Variants in CRIM1 observed in about 807,000 individuals in gnomAD.
CRIM1 encodes cysteine-rich motor neuron 1 protein.
CRIM1 carries 32 observed loss-of-function variants against 116.4 expected under a neutral mutation model. The observed-to-expected ratio is 0.27, with a 90% confidence interval of 0.21 to 0.37. CRIM1 has a LOEUF of 0.37. Among genes scored for constraint, CRIM1 ranks in the 10% least tolerant of loss-of-function variants. The pLI is 1.00. For missense variants in CRIM1, 1,331 were observed against 1,354.8 expected (o/e 0.98, Z 0.28); for synonymous variants, 590 against 509.2 (o/e 1.16, Z -2.13).
chr2:36,515,462 G>C (rs1226844268), intron 11 of CRIM1, among the ~76,000 whole-genome samples: 1 of 152,220 alleles, frequency 6.6e-6, no homozygotes, highest in Non-Finnish European at 1.5e-5. Flanking sequence ...TTAGCATGTT[G>C]CCACATAAGC....
chr2:36,536,377 T>C (rs1033890464), intron 13 of CRIM1, among the ~76,000 whole-genome samples: 1 of 152,210 alleles, frequency 6.6e-6, no homozygotes, highest in South Asian at 2.1e-4. Flanking sequence ...TAGTTTTTCA[T>C]GTTTAAGTGA....
rs1215479172 is a variant in CRIM1 at position 36,547,167 on chromosome 2, C to T, written c.2930C>T (p.Thr977Ile). The T allele has an allele frequency of 1.2e-6, 2 of 1,610,114 alleles. No individual in the cohort carries two copies. The highest frequency in any genetic ancestry group is 8.5e-7 in the Non-Finnish European group (1 of 1,177,612). ...IPLLCWYRTP[T>I]KPSSLNNQLV... Reference sequence around the variant, plus strand: ...CTGCTTTGCTGGTATCGAACACCAACTAAGGTACTGTCTTGCAAAAGTTAG... The same window carrying T: ...CTGCTTTGCTGGTATCGAACACCAATTAAGGTACTGTCTTGCAAAAGTTAG... The change falls in exon 16 of 17, where the codon ACT becomes ATT. Residue 977 changes from threonine (T) to isoleucine (I), a missense_variant. By Grantham distance (89) the Thr-to-Ile change is moderately conservative. Transcript: ENST00000280527.
At chr2:36,541,244 T>C (rs1291213621) in intron 14 of CRIM1, among the ~76,000 whole-genome samples, 1 of 152,166 alleles carries the variant, frequency 6.6e-6, no homozygotes, top group Non-Finnish European at 1.5e-5. Context: ...GATTATACCA[T>C]CTCAGAAATG....
At chr2:36,378,248 A>T (rs1670468792) in intron 1 of CRIM1, 2 of 467,398 alleles carry the variant, frequency 4.3e-6, no homozygotes, top group Admixed American at 4.7e-5. Flanking sequence ...TCAATGAGTA[A>T]TTGATGGGAT....
At position 36,418,212 on chromosome 2, in the gene CRIM1, A is replaced by C. The variant is rs186173920; in HGVS notation, c.505+21425A>C. On this transcript the variant is annotated intron_variant, in intron 2 of 16. Transcript: ENST00000280527. ...ATAAATAGAGCCAGCAGAGAGGGAG[A>C]AATTCAAGGCACAGTGCAGGAGTGC... Among the ~76,000 whole-genome samples, 765 of 152,296 alleles carry C rather than the reference A, an allele frequency of 5.0e-3. 3 individuals carry two copies. The highest frequency in any genetic ancestry group is 8.4e-3 in the Non-Finnish European group (570 of 68,026).
At chr2:36,406,227 A>G (rs1192514598) in intron 2 of CRIM1, among the ~76,000 whole-genome samples, 1 of 152,206 alleles carries the variant, frequency 6.6e-6, no homozygotes, top group Non-Finnish European at 1.5e-5. Context: ...AACTAATAAG[A>G]CAGTCGTTAC....
At position 36,356,288 on chromosome 2, in the gene CRIM1, G is replaced by C. The variant is rs1473257375; in HGVS notation, c.-5G>C. The C allele has an allele frequency of 6.8e-7, 1 of 1,474,862 alleles. No homozygotes were observed. Among genetic ancestry groups the C allele is most frequent in the South Asian group, 1.3e-5 (1 of 74,202 alleles). The allele number at this position is 1,474,862 out of a possible 1,614,324, so 91.4% of individuals were successfully genotyped here. ...GCGAGGAGGAGGCGGCGGCGGCGCAGGAGGATGTACTTGGTGGCGGGGGAC... is the reference window on the plus strand; with the variant it reads ...GCGAGGAGGAGGCGGCGGCGGCGCACGAGGATGTACTTGGTGGCGGGGGAC... On this transcript the variant is annotated 5_prime_UTR_variant, in exon 1 of 17. Coordinates refer to ENST00000280527, the MANE Select transcript of CRIM1 (RefSeq NM_016441.3). This position sits in a 1 kb window ranked among gnomAD's most constrained non-coding sequence, Gnocchi z 4.3.
rs1229632286 is a variant in CRIM1, at chr2:36,402,517, G to A, written c.505+5730G>A. On this transcript the variant is annotated intron_variant, in intron 2 of 16. Coordinates refer to ENST00000280527, the MANE Select transcript of CRIM1 (RefSeq NM_016441.3). ...TGATGAGATGTATGGATTTTGTGAT[G>A]AGTACACAGGAAAGCCATTAAAGGA... Among the ~76,000 whole-genome samples, 4 of 151,986 alleles carry A rather than the reference G, an allele frequency of 2.6e-5. No homozygotes were observed. The East Asian group carries it at 7.7e-4, about 29-fold the overall frequency.
intron 6 of CRIM1, among the ~76,000 whole-genome samples, chr2:36,478,619 A>C (rs1412795252): frequency 6.6e-6 from 1 of 152,212 alleles, no homozygotes; most frequent in Non-Finnish European, 1.5e-5. Flanking sequence ...CTTCTAACTG[A>C]CTTTATTATA....
intron 5 of CRIM1, among the ~76,000 whole-genome samples, chr2:36,465,135 G>A (rs977575716): frequency 1.3e-5 from 2 of 152,234 alleles, no homozygotes; most frequent in Non-Finnish European, 2.9e-5. Flanking sequence ...AAGGCTGAGA[G>A]GCGGTGGGGA....
intron 4 of CRIM1, among the ~76,000 whole-genome samples, chr2:36,457,046 C>T (rs1330419642): frequency 1.3e-5 from 2 of 152,178 alleles, no homozygotes; most frequent in African/African-American, 4.8e-5. Context: ...AGCCACATGC[C>T]AGCCTCGAGG....
At chr2:36,541,258 G>C (rs1300286022) in intron 14 of CRIM1, among the ~76,000 whole-genome samples, 4 of 152,160 alleles carry the variant, frequency 2.6e-5, no homozygotes, top group African/African-American at 9.7e-5. Flanking sequence ...AGAAATGATG[G>C]TGTGGGAGCA....
intron 1 of CRIM1, among the ~76,000 whole-genome samples, chr2:36,375,737 C>A (rs1472109573): frequency 6.6e-6 from 1 of 152,176 alleles, no homozygotes; most frequent in Non-Finnish European, 1.5e-5. Flanking sequence ...TGCACTATTA[C>A]ACTTTCACAA....
At chr2:36,392,801 G>C (rs1671715516) in intron 1 of CRIM1, among the ~76,000 whole-genome samples, 1 of 152,154 alleles carries the variant, frequency 6.6e-6, no homozygotes, top group Non-Finnish European at 1.5e-5. Flanking sequence ...TATTGATTAG[G>C]AGCGGGCAGA....
chr2:36,478,182 A>G (rs1315666829), intron 6 of CRIM1, among the ~76,000 whole-genome samples: 3 of 152,250 alleles, frequency 2.0e-5, no homozygotes, highest in East Asian at 3.8e-4. Context: ...TTGCATTCCT[A>G]ACATAGTTCA....
rs1459141253 is a variant in CRIM1, at chr2:36,441,360, G to A, written c.608G>A (p.Cys203Tyr). 1 of 1,614,082 alleles carries A rather than the reference G, an allele frequency of 6.2e-7. No homozygotes were observed. Among genetic ancestry groups the A allele is most frequent in the African/African-American group, 1.3e-5 (1 of 74,944 alleles). The change falls in exon 3 of 17, where the codon TGC becomes TAC. Residue 203 changes from cysteine to tyrosine, a missense_variant. Cys to Tyr is a radical substitution (Grantham distance 194, BLOSUM62 -2). Transcript: ENST00000280527. ...LIEGYAPPGE[C>Y]CPLPSRCVCN... Reference sequence around the variant, plus strand: ...GAGGGTTATGCTCCTCCTGGGGAGTGCTGTCCCTTACCCAGCCGCTGCGTG... The same window carrying A: ...GAGGGTTATGCTCCTCCTGGGGAGTACTGTCCCTTACCCAGCCGCTGCGTG...
chr2:36,517,085 A>G (rs1665079492), intron 11 of CRIM1, among the ~76,000 whole-genome samples: 1 of 152,162 alleles, frequency 6.6e-6, no homozygotes, highest in Non-Finnish European at 1.5e-5. Flanking sequence ...ATCTTATTGA[A>G]TTCTCTTATT....
At chr2:36,443,070 T>G (rs1017825795) in intron 4 of CRIM1, among the ~76,000 whole-genome samples, 1 of 152,194 alleles carries the variant, frequency 6.6e-6, no homozygotes, top group Non-Finnish European at 1.5e-5. Context: ...AGACACATCA[T>G]TTGATCCTCT....
intron 7 of CRIM1, among the ~76,000 whole-genome samples, chr2:36,482,854 G>C (rs923089001): frequency 2.0e-5 from 3 of 152,170 alleles, no homozygotes; most frequent in Non-Finnish European, 2.9e-5. Context: ...AGGACCTCCA[G>C]GGAGGAAGAA....
Sources: gnomAD v4.1 joint callset for allele counts (sites outside exome capture counted in the v4.1 genomes callset) on GRCh38, gnomAD v4.1.1 for gene constraint, Gnocchi (gnomAD v3.1) non-coding constraint, MANE v1.5 for transcripts, NCBI Gene and HGNC (gene_info 2026-07-23, HGNC 2026-07-21) for gene names.